MCM9: variants seen among roughly 807,000 people sequenced by gnomAD.
MCM9 encodes the protein minichromosome maintenance 9 homologous recombination repair factor, also known as DNA helicase MCM9.
Under a neutral mutation model 72.8 loss-of-function variants are expected in MCM9, and 55 were observed. That is an observed-to-expected ratio of 0.76 (90% confidence interval 0.61 to 0.95). MCM9 has a LOEUF of 0.95. MCM9 is among the 40% of genes least tolerant of loss of function. The pLI is 0.00. For synonymous variants in MCM9, 480 were observed against 503.4 expected (o/e 0.95, Z 0.62); for missense variants, 1,279 against 1,377.0 (o/e 0.93, Z 1.13).
chr6:118,888,921 G>A (rs937372970), intron 8 of MCM9, among the ~76,000 whole-genome samples: 2 of 152,068 alleles, frequency 1.3e-5, no homozygotes, highest in Admixed American at 1.3e-4. Flanking sequence ...ACTGCTTGGG[G>A]GATATGCTGG....
rs1489029258 is a variant in MCM9 at position 118,828,009 on chromosome 6, G to T, written c.1650C>A (p.Tyr550Ter). The T allele has an allele frequency of 6.4e-7, 1 of 1,550,932 alleles. No homozygotes were observed. The highest frequency in any genetic ancestry group is 8.7e-7 in the Non-Finnish European group (1 of 1,147,084). Residue 550 changes from tyrosine to a stop codon, truncating the protein, a stop_gained, in exon 11 of 14, where the codon TAC becomes TAA. Coordinates refer to ENST00000619706, the MANE Select transcript of MCM9 (RefSeq NM_017696.3). LOFTEE classifies it high-confidence loss of function. ...GGCAATCACTCTGCCTTTGCATCTG[G>T]TAGTACCGGAGAAGAACCTGATTGC... is the stretch of plus-strand genomic sequence containing the variant. ...DVGNQVLLRY[Y>*]QMQRQSDCRN... is the part of the protein sequence containing the mutation.
At chr6:118,863,191 AATT>A (rs1247776823) in intron 8 of MCM9, among the ~76,000 whole-genome samples, 1 of 152,192 alleles carries the variant, frequency 6.6e-6, no homozygotes, top group Non-Finnish European at 1.5e-5. Flanking sequence ...ATACATGTTT[AATT>A]ATGCTTATGT....
chr6:118,818,435 T>C (rs556364033), intron 13 of MCM9, among the ~76,000 whole-genome samples: 45 of 152,260 alleles, frequency 3.0e-4, no homozygotes, highest in African/African-American at 1.1e-3. Context: ...GATCAGATGG[T>C]TGTAGATGTG....
At chr6:118,871,264 A>G (rs1034581666) in intron 8 of MCM9, among the ~76,000 whole-genome samples, 5 of 152,234 alleles carry the variant, frequency 3.3e-5, no homozygotes, top group Non-Finnish European at 7.3e-5. Flanking sequence ...CAATACACTG[A>G]AAGAATCATT....
chr6:118,820,793 A>C (rs1412198771), intron 13 of MCM9, among the ~76,000 whole-genome samples: 3 of 145,642 alleles, frequency 2.1e-5, no homozygotes, highest in African/African-American at 8.0e-5. Flanking sequence ...TTCTTTTATG[A>C]ATCTGGGTGC....
At chr6:118,876,504 T>G (rs529385729) in intron 8 of MCM9, among the ~76,000 whole-genome samples, 1 of 152,302 alleles carries the variant, frequency 6.6e-6, no homozygotes, top group South Asian at 2.1e-4. Flanking sequence ...GGAACTATAG[T>G]TTCTGTTCAG....
Position 118,816,213 on chromosome 6 carries a change from T to C in MCM9, c.2043A>G (p.Pro681=). ...AAGTTCTGAAGTTTGATTCTTCCCCTGGACCATTTCTCAAGGATCCTGGAG... is the reference window on the plus strand; with the variant it reads ...AAGTTCTGAAGTTTGATTCTTCCCCCGGACCATTTCTCAAGGATCCTGGAG... ...ETTPGSLRNG[P]GEESNFRTSS... The change falls in exon 14 of 14, where the codon CCA becomes CCG. Residue 681 remains proline, a synonymous_variant. Transcript: ENST00000619706. The C allele has an allele frequency of 6.4e-7, 1 of 1,550,512 alleles. No homozygotes were observed. Among genetic ancestry groups the C allele is most frequent in the Non-Finnish European group, 8.7e-7 (1 of 1,146,912 alleles).
At chr6:118,918,276 C>T in intron 5 of MCM9, 1 of 153,658 alleles carries the variant, frequency 6.5e-6, no homozygotes, top group Non-Finnish European at 1.4e-5. Flanking sequence ...TTACTCACTG[C>T]CCCCCCACAT....
chr6:118,856,298 C>G, intron 9 of MCM9, 73 bp downstream of exon 9: 1 of 1,401,850 alleles, frequency 7.1e-7, no homozygotes, highest in Non-Finnish European at 9.5e-7. Flanking sequence ...TATAGCTCAA[C>G]AAGGTTCACA....
intron 8 of MCM9, chr6:118,894,306 T>A: frequency 6.7e-7 from 1 of 1,499,080 alleles, no homozygotes. Context: ...CTGCACGACG[T>A]CTGGCCGGCG....
chr6:118,844,705 C>T (rs1465329856), intron 9 of MCM9, among the ~76,000 whole-genome samples: 1 of 149,598 alleles, frequency 6.7e-6, no homozygotes, highest in African/African-American at 2.5e-5. Context: ...TTTAAACCCT[C>T]GCCATCCTTT....
chr6:118,891,517 T>C (rs1778940710), intron 8 of MCM9, among the ~76,000 whole-genome samples: 1 of 152,206 alleles, frequency 6.6e-6, no homozygotes. Flanking sequence ...GCCTCTTTGC[T>C]TGGCTTGCAA....
At chr6:118,905,912 T>G in intron 8 of MCM9, 2 of 1,016,740 alleles carry the variant, frequency 2.0e-6, no homozygotes, top group Non-Finnish European at 2.8e-6. Flanking sequence ...AGTATACTAT[T>G]AAAATGGCTT....
At chr6:118,839,013 T>C (rs1341958172) in intron 9 of MCM9, among the ~76,000 whole-genome samples, 1 of 152,184 alleles carries the variant, frequency 6.6e-6, no homozygotes, top group East Asian at 1.9e-4. Flanking sequence ...TATCCTGAAG[T>C]GTGTTTTCCA....
At chr6:118,851,373 C>T (rs934126688) in intron 9 of MCM9, among the ~76,000 whole-genome samples, 1 of 151,566 alleles carries the variant, frequency 6.6e-6, no homozygotes, top group East Asian at 1.9e-4. Context: ...AAAAAAGAAA[C>T]CTTTTCAAGA....
chr6:118,893,962 TC>T (rs1779148049), intron 8 of MCM9: 2 of 903,322 alleles, frequency 2.2e-6, no homozygotes, highest in African/African-American at 2.0e-5. Flanking sequence ...CCACGCCCCC[TC>T]CGCCCCTCTC....
intron 13 of MCM9, among the ~76,000 whole-genome samples, chr6:118,818,829 G>C (rs1421721122): frequency 1.3e-5 from 2 of 152,124 alleles, no homozygotes; most frequent in African/African-American, 4.8e-5. Flanking sequence ...AGTTCTCCTT[G>C]AAGAGGTCTT....
intron 4 of MCM9, 56 bp downstream of exon 4, chr6:118,923,755 C>G: frequency 6.8e-7 from 1 of 1,461,220 alleles, no homozygotes; most frequent in Non-Finnish European, 9.4e-7. Flanking sequence ...CCCAATGTGC[C>G]CATAGCTGAA....
At chr6:118,842,828 TA>T (rs1287890964) in intron 9 of MCM9, among the ~76,000 whole-genome samples, 2 of 152,002 alleles carry the variant, frequency 1.3e-5, no homozygotes, top group South Asian at 4.2e-4. Flanking sequence ...CCCCCTTTTT[TA>T]AAAAAAACTC....
Sources: allele counts gnomAD v4.1 joint callset (sites outside exome capture counted in the v4.1 genomes callset), GRCh38; gene constraint gnomAD v4.1.1; transcripts MANE v1.5; gene names NCBI Gene and HGNC (gene_info 2026-07-23, HGNC 2026-07-21).